The following DPP6 variants were observed in gnomAD, a reference collection of about 807,000 sequenced individuals.
DPP6 encodes dipeptidyl peptidase like 6.
Under a neutral mutation model 122.6 loss-of-function variants are expected in DPP6, and 69 were observed. That is an observed-to-expected ratio of 0.56 (90% CI 0.46 to 0.69). The LOEUF is 0.69. DPP6 is among the 30% of genes least tolerant of loss of function. The pLI is 0.00. For missense variants in DPP6, 928 were observed against 1,116.9 expected, an observed-to-expected ratio of 0.83 and a Z score of 2.41; for synonymous variants, 418 against 433.1, an observed-to-expected ratio of 0.97 and a Z score of 0.43.
At chr7:153,985,050 G>T (rs1215884313) in intron 1 of DPP6, among the ~76,000 whole-genome samples, 1 of 152,192 alleles carries the variant, frequency 6.6e-6, no homozygotes, top group Non-Finnish European at 1.5e-5. Context: ...CTGTACAAGG[G>T]AAAGATAGAG....
intron 7 of DPP6, among the ~76,000 whole-genome samples, chr7:154,708,412 G>T (rs1373932804): frequency 6.6e-6 from 1 of 152,216 alleles, no homozygotes; most frequent in Non-Finnish European, 1.5e-5. Flanking sequence ...TCTTAGCAGT[G>T]CTGGGTGTCA....
At chr7:153,785,709 G>A in the DPP6 span, among the ~76,000 whole-genome samples, 1 of 151,930 alleles carries the variant, frequency 6.6e-6, no homozygotes, top group East Asian at 1.9e-4. Context: ...GTGCAGTGAT[G>A]CCACCTAAGG....
intron 1 of DPP6, among the ~76,000 whole-genome samples, chr7:154,270,959 C>G (rs1449653531): frequency 1.3e-5 from 2 of 152,156 alleles, no homozygotes; most frequent in Non-Finnish European, 1.5e-5. Context: ...GCCTTCACTT[C>G]TAAAAGCAAG....
intron 7 of DPP6, among the ~76,000 whole-genome samples, chr7:154,722,097 A>G (rs571948178): frequency 6.6e-6 from 1 of 152,080 alleles, no homozygotes; most frequent in South Asian, 2.1e-4. Flanking sequence ...TGGGAGGCTG[A>G]GGCAGGAGGA....
At chr7:154,315,968 C>T (rs1807398230) in intron 1 of DPP6, among the ~76,000 whole-genome samples, 1 of 152,172 alleles carries the variant, frequency 6.6e-6, no homozygotes, top group Non-Finnish European at 1.5e-5. Context: ...ACGCCAAGCA[C>T]AATGGTGACC....
intron 8 of DPP6, among the ~76,000 whole-genome samples, chr7:154,731,716 C>T (rs1453862887): frequency 1.3e-5 from 2 of 152,108 alleles, no homozygotes; most frequent in South Asian, 2.1e-4. Context: ...AAAATTACAT[C>T]GAATTTTGAT....
intron 1 of DPP6, among the ~76,000 whole-genome samples, chr7:154,359,572 A>G (rs950044127): frequency 2.0e-5 from 3 of 152,064 alleles, no homozygotes; most frequent in African/African-American, 4.8e-5. Flanking sequence ...TCTCCTCACT[A>G]TCACACAAGC....
rs1225105336 is a variant in DPP6 at position 154,802,682 on chromosome 7, C to T, written c.1408-1182C>T. 2.0e-5 allele frequency among the ~76,000 whole-genome samples: 3 copies of T among 151,998 alleles called. No homozygotes were observed. The East Asian group carries it at 5.8e-4, about 29-fold the overall frequency. On this transcript the variant is annotated intron_variant, in intron 13 of 25. Transcript: ENST00000377770. Reference sequence around the variant, plus strand: ...AAGACCAGTGGCCAACATGGCGAAACAAAAATTAGCTGGGCATGGTGGCAC... The same window carrying T: ...AAGACCAGTGGCCAACATGGCGAAATAAAAATTAGCTGGGCATGGTGGCAC...
chr7:154,712,220 G>A (rs978298024), intron 7 of DPP6, among the ~76,000 whole-genome samples: 1 of 152,156 alleles, frequency 6.6e-6, no homozygotes. Flanking sequence ...GGGAATAGAT[G>A]TATATTTGAT....
chr7:154,775,924 C>G lies in DPP6; in HGVS notation c.1136+2982C>G, dbSNP rs75746919. Reference sequence around the variant, plus strand: ...AGGGCAACTCCACCTTCCAGGATCCCCGGCCTCCTTTACGTCCCTCTGTGC... The same window carrying G: ...AGGGCAACTCCACCTTCCAGGATCCGCGGCCTCCTTTACGTCCCTCTGTGC... On this transcript the variant is annotated intron_variant, in intron 10 of 25. Coordinates refer to ENST00000377770, the MANE Select transcript of DPP6 (RefSeq NM_130797.4). 8.9e-3 allele frequency among the ~76,000 whole-genome samples: 1,359 copies of G among 152,244 alleles called. 16 individuals are homozygous for G. The highest frequency in any genetic ancestry group is 0.015 in the Non-Finnish European group (991 of 68,002).
At chr7:153,982,760 A>G (rs1403718841) in intron 1 of DPP6, among the ~76,000 whole-genome samples, 4 of 151,996 alleles carry the variant, frequency 2.6e-5, no homozygotes, top group Non-Finnish European at 4.4e-5. Flanking sequence ...TGTCGATGCT[A>G]TTCCTTTCTG....
intron 1 of DPP6, among the ~76,000 whole-genome samples, chr7:153,890,211 C>T (rs59221868): frequency 0.038 from 5,726 of 152,310 alleles, 337 homozygotes; most frequent in African/African-American, 0.13. Flanking sequence ...CCCACATACA[C>T]ACAGAGACCA....
chr7:154,610,583 G>C (rs971181942), intron 5 of DPP6, among the ~76,000 whole-genome samples: 4 of 152,030 alleles, frequency 2.6e-5, no homozygotes, highest in African/African-American at 9.7e-5. Flanking sequence ...TTGCTTCTAC[G>C]GCCAACATTC....
chr7:154,086,942 C>T (rs1266772710), intron 1 of DPP6, among the ~76,000 whole-genome samples: 1 of 152,192 alleles, frequency 6.6e-6, no homozygotes, highest in Non-Finnish European at 1.5e-5. Flanking sequence ...TTAAATATCT[C>T]ACCCACACAT....
chr7:153,894,808 G>C lies in DPP6; in HGVS notation c.51+7074G>C, dbSNP rs1336954700. 2.6e-5 allele frequency among the ~76,000 whole-genome samples: 4 copies of C among 152,284 alleles called. No homozygotes were observed. The South Asian group carries it at 8.3e-4, about 32-fold the overall frequency. On this transcript the variant is annotated intron_variant, in intron 1 of 25. Transcript: ENST00000404039. ...TGTGCAGCCAAGATGCAGAACCAGT[G>C]GATCAGAGGCAAATTTTTTGAATAA...
At chr7:154,516,541 A>G (rs953818526) in intron 3 of DPP6, among the ~76,000 whole-genome samples, 14 of 152,348 alleles carry the variant, frequency 9.2e-5, no homozygotes, top group African/African-American at 3.1e-4. Flanking sequence ...CCTACGAAAG[A>G]GGAAAACAAC....
intron 1 of DPP6, among the ~76,000 whole-genome samples, chr7:153,917,485 G>A (rs1262963236): frequency 1.3e-5 from 2 of 152,174 alleles, no homozygotes; most frequent in African/African-American, 4.8e-5. Context: ...ACCTCCTCCC[G>A]CTGTTCCCTC....
At chr7:154,447,132 C>T (rs1362189135) in intron 2 of DPP6, among the ~76,000 whole-genome samples, 2 of 152,120 alleles carry the variant, frequency 1.3e-5, no homozygotes, top group Admixed American at 1.3e-4. Context: ...AGGGTGAAAC[C>T]TCGTCTCTAC....
At chr7:154,020,292 T>C (rs1798635925) in intron 1 of DPP6, among the ~76,000 whole-genome samples, 1 of 151,382 alleles carries the variant, frequency 6.6e-6, no homozygotes, top group South Asian at 2.1e-4. Context: ...CTGTGGGATG[T>C]GGTGCAGGGT....
Sources: allele counts gnomAD v4.1 joint callset (sites outside exome capture counted in the v4.1 genomes callset), GRCh38; gene constraint gnomAD v4.1.1; transcripts MANE v1.5; gene names NCBI Gene and HGNC (gene_info 2026-07-23, HGNC 2026-07-21).